The following NHS variants were observed in gnomAD, a reference collection of about 807,000 sequenced individuals.
The protein encoded by NHS is NHS actin remodeling regulator.
Under a neutral mutation model 72.5 loss-of-function variants are expected in NHS, and 5 were observed. The ratio of observed to expected loss-of-function variants is 0.07; its 90% CI spans 0.04 to 0.14. The LOEUF is 0.14. NHS is among the 10% of genes least tolerant of loss of function. The pLI is 1.00. For synonymous variants in NHS, 464 were observed against 547.7 expected (o/e 0.85, Z 2.13); for missense variants, 1,072 against 1,355.7 (o/e 0.79, Z 3.29).
At chrX:17,451,414 A>G (rs1258254992) in intron 1 of NHS, among the ~76,000 whole-genome samples, 1 of 112,340 alleles carries the variant, frequency 8.9e-6, no homozygotes, top group Non-Finnish European at 1.9e-5. Context: ...ACAGTTTTTT[A>G]TATATGAGGG....
At position 17,724,396 on chromosome X, in the gene NHS, C is replaced by T; in HGVS notation, c.1206C>T (p.Ile402=). 8.3e-7 allele frequency: 1 copy of T among 1,211,776 alleles called. No individual in the cohort carries two copies. The highest frequency in any genetic ancestry group is 1.1e-6 in the Non-Finnish European group (1 of 895,495). Residue 402 remains isoleucine (I), a synonymous_variant, in exon 6 of 9, where the codon ATC becomes ATT. Transcript: ENST00000676302. Reference sequence around the variant, plus strand: ...GAAAATTGAGGAGGAGGAAAACCATCTCGGGTATCCCCAGAAGAGTTCAAC... The same window carrying T: ...GAAAATTGAGGAGGAGGAAAACCATTTCGGGTATCCCCAGAAGAGTTCAAC... ...RRRKLRRRKT[I]SGIPRRVQQE...
chrX:17,540,749 G>C (rs902816025), intron 1 of NHS, among the ~76,000 whole-genome samples: 1 of 112,342 alleles, frequency 8.9e-6, no homozygotes, highest in African/African-American at 3.2e-5. Context: ...TAAATAATGA[G>C]CATCATCACA....
intron 1 of NHS, among the ~76,000 whole-genome samples, chrX:17,680,693 C>T (rs190620849): frequency 4.5e-5 from 5 of 111,533 alleles, no homozygotes; most frequent in Admixed American, 1.9e-4. Context: ...CTAGTCTTGA[C>T]CTGCTAAATG....
chrX:17,396,157 C>T (rs2064473395), intron 1 of NHS, among the ~76,000 whole-genome samples: 1 of 111,485 alleles, frequency 9.0e-6, no homozygotes, highest in Admixed American at 9.5e-5. Context: ...GGGTATATAC[C>T]AAATCAGTAT....
intron 1 of NHS, among the ~76,000 whole-genome samples, chrX:17,564,774 T>C: frequency 9.0e-6 from 1 of 111,632 alleles, no homozygotes; most frequent in African/African-American, 3.3e-5. Flanking sequence ...CTTTAGGAGA[T>C]ATGTCCTGAG....
At chrX:17,592,649 A>G (rs754427366) in intron 1 of NHS, among the ~76,000 whole-genome samples, 8 of 112,447 alleles carry the variant, frequency 7.1e-5, no homozygotes, top group African/African-American at 2.6e-4. Flanking sequence ...TGAATGTTCT[A>G]TCAAATTTAT....
chrX:17,510,330 A>G (rs1335637274), intron 1 of NHS, among the ~76,000 whole-genome samples: 1 of 111,984 alleles, frequency 8.9e-6, no homozygotes, highest in African/African-American at 3.2e-5. Context: ...TGAGCCCACC[A>G]CACTTCTCCC....
chrX:17,562,177 G>C (rs937003302), intron 1 of NHS, among the ~76,000 whole-genome samples: 3 of 111,378 alleles, frequency 2.7e-5, no homozygotes, highest in African/African-American at 9.8e-5. Context: ...TTATTTGAGA[G>C]GTGGTGGAAA....
intron 1 of NHS, among the ~76,000 whole-genome samples, chrX:17,595,888 C>T (rs2065621985): frequency 8.9e-6 from 1 of 111,917 alleles, no homozygotes; most frequent in African/African-American, 3.2e-5. Flanking sequence ...TTGAGTCAAA[C>T]AGTTACTTGT....
chrX:17,421,309 G>T (rs543212353), intron 1 of NHS, among the ~76,000 whole-genome samples: 4 of 109,475 alleles, frequency 3.7e-5, no homozygotes, highest in African/African-American at 1.3e-4. Context: ...CTCAGACCTG[G>T]ATTTAATTTC....
At chrX:17,457,850 T>C (rs1315524372) in intron 1 of NHS, among the ~76,000 whole-genome samples, 1 of 112,000 alleles carries the variant, frequency 8.9e-6, no homozygotes, top group Non-Finnish European at 1.9e-5. Flanking sequence ...ATTCCAGGCC[T>C]GACACAGTCC....
At chrX:17,536,271 T>C (rs1286859662) in intron 1 of NHS, among the ~76,000 whole-genome samples, 1 of 111,920 alleles carries the variant, frequency 8.9e-6, no homozygotes, top group African/African-American at 3.3e-5. Context: ...AGGAGAATGG[T>C]GGGAACCTGG....
chrX:17,534,096 T>TTGTGTGTGTGTGTGTG (rs59352413), intron 1 of NHS, among the ~76,000 whole-genome samples: 14 of 104,942 alleles, frequency 1.3e-4, no homozygotes, highest in African/African-American at 4.6e-4. Context: ...TGAAAGGTCA[T>TTGTGTGTGTGTGTGTG]TGTGTGTGTG....
intron 1 of NHS, among the ~76,000 whole-genome samples, chrX:17,439,465 T>A (rs968864149): frequency 1.2e-4 from 13 of 111,598 alleles, no homozygotes; most frequent in African/African-American, 3.9e-4. Context: ...TAATATATAT[T>A]TATATATTCC....
intron 3 of NHS, among the ~76,000 whole-genome samples, chrX:17,718,048 G>C (rs1408780141): frequency 9.0e-6 from 1 of 111,236 alleles, no homozygotes; most frequent in Non-Finnish European, 1.9e-5. Context: ...TGTAGTAGTA[G>C]CTGGCACTAA....
intron 1 of NHS, among the ~76,000 whole-genome samples, chrX:17,473,701 AAT>A (rs1376039806): frequency 1.4e-4 from 16 of 112,067 alleles, no homozygotes. Flanking sequence ...TCAAAGACTT[AAT>A]ATAAAAGAAG....
chrX:17,507,535 C>T (rs751733842), intron 1 of NHS, among the ~76,000 whole-genome samples: 1 of 112,056 alleles, frequency 8.9e-6, no homozygotes, highest in Non-Finnish European at 1.9e-5. Context: ...GAAAATTTTG[C>T]CTCTGGGGAT....
intron 1 of NHS, among the ~76,000 whole-genome samples, chrX:17,550,498 G>A (rs930369658): frequency 8.9e-6 from 1 of 112,124 alleles, no homozygotes; most frequent in African/African-American, 3.2e-5. Context: ...AATGTCAGGG[G>A]CTGGTCTGCT....
At chrX:17,441,654 TTTCCTTCC>T (rs746989423) in intron 1 of NHS, among the ~76,000 whole-genome samples, 13 of 111,083 alleles carry the variant, frequency 1.2e-4, no homozygotes, top group African/African-American at 3.6e-4. Context: ...CCTTCCAGTT[TTTCCTTCC>T]TTCCTTCCTT....
Sources: gnomAD v4.1 joint callset for allele counts (sites outside exome capture counted in the v4.1 genomes callset) on GRCh38, gnomAD v4.1.1 for gene constraint, MANE v1.5 for transcripts, NCBI Gene and HGNC (gene_info 2026-07-23, HGNC 2026-07-21) for gene names.